Variants in NALF1 observed in about 807,000 individuals in gnomAD.
The protein encoded by NALF1 is family with sequence similarity 155 member A.
In NALF1, 3 loss-of-function variants were observed where a neutral mutation model predicts 48.4. The ratio of observed to expected loss-of-function variants is 0.06; its 90% CI spans 0.03 to 0.16. The LOEUF is 0.16. Among genes scored for constraint, NALF1 ranks in the 10% least tolerant of loss-of-function variants. NALF1 has a pLI of 1.00. For missense variants in NALF1, 526 were observed against 571.5 expected (o/e 0.92, Z 0.81); for synonymous variants, 262 against 245.7 (o/e 1.07, Z -0.62).
At chr13:107,583,340 T>G (rs1369962574) in intron 1 of NALF1, among the ~76,000 whole-genome samples, 1 of 152,176 alleles carries the variant, frequency 6.6e-6, no homozygotes, top group Non-Finnish European at 1.5e-5. Flanking sequence ...GTTATCAACA[T>G]TTTTACATTG....
At chr13:107,179,648 A>G (rs1356321770) in intron 2 of NALF1, among the ~76,000 whole-genome samples, 1 of 147,538 alleles carries the variant, frequency 6.8e-6, no homozygotes, top group Non-Finnish European at 1.5e-5. Context: ...TGTACCCACA[A>G]AAGTTAAAAA....
intron 2 of NALF1, among the ~76,000 whole-genome samples, chr13:107,182,235 TGTGTGTGTGTGTGTGTCC>T (rs1879078994): frequency 9.5e-6 from 1 of 105,528 alleles, no homozygotes; most frequent in South Asian, 3.0e-4. Flanking sequence ...GCTGTGTGTG[TGTGTGTGTGTGTGTGTCC>T]GTGTGTGTGT....
At chr13:107,234,071 C>T (rs1478443275) in intron 1 of NALF1, among the ~76,000 whole-genome samples, 1 of 152,116 alleles carries the variant, frequency 6.6e-6, no homozygotes, top group Non-Finnish European at 1.5e-5. Flanking sequence ...CTGTGGTTTC[C>T]ATATCCAGAG....
rs1029175935 is a variant in NALF1, at chr13:107,516,373, A to G, written c.916-305618T>C. Among the ~76,000 whole-genome samples the G allele has an allele frequency of 3.3e-5, 5 of 152,316 alleles. No homozygotes were observed. In the East Asian group the frequency reaches 5.8e-4, roughly 18 times the overall value. On this transcript the variant is annotated intron_variant, in intron 1 of 2. Coordinates refer to ENST00000375915, the MANE Select transcript of NALF1 (RefSeq NM_001080396.3). Reference sequence around the variant, plus strand: ...GGTATTTACTTGCTGTTCTGTGCCTATTAAGTGTACCATATTAACAATCAA... The same window carrying G: ...GGTATTTACTTGCTGTTCTGTGCCTGTTAAGTGTACCATATTAACAATCAA...
intron 1 of NALF1, among the ~76,000 whole-genome samples, chr13:107,492,042 GT>G (rs71204833): frequency 1.5e-4 from 15 of 99,280 alleles, no homozygotes; most frequent in South Asian, 6.5e-4. Context: ...GTTTTTTTTT[GT>G]TTTTTTTTTT....
intron 1 of NALF1, among the ~76,000 whole-genome samples, chr13:107,306,871 GGGA>G (rs1881946725): frequency 6.6e-6 from 1 of 152,098 alleles, no homozygotes; most frequent in Non-Finnish European, 1.5e-5. Context: ...AGGCTGAGAT[GGGA>G]GAATGGCTTG....
chr13:107,536,552 T>A (rs1876823060), intron 1 of NALF1, among the ~76,000 whole-genome samples: 2 of 152,164 alleles, frequency 1.3e-5, no homozygotes, highest in Non-Finnish European at 2.9e-5. Context: ...CCAGTTAGAA[T>A]GGTGATCATT....
At chr13:107,434,707 G>A (rs540753933) in intron 1 of NALF1, among the ~76,000 whole-genome samples, 1 of 152,176 alleles carries the variant, frequency 6.6e-6, no homozygotes, top group East Asian at 1.9e-4. Context: ...CCACTTAAAA[G>A]CAAGGCCCTT....
intron 1 of NALF1, among the ~76,000 whole-genome samples, chr13:107,485,393 A>G (rs1952749797): frequency 6.6e-6 from 1 of 152,164 alleles, no homozygotes; most frequent in African/African-American, 2.4e-5. Context: ...TTTCAGACTT[A>G]TGCAATGACA....
At chr13:107,280,961 T>C (rs1053149061) in intron 1 of NALF1, among the ~76,000 whole-genome samples, 2 of 152,222 alleles carry the variant, frequency 1.3e-5, no homozygotes, top group African/African-American at 4.8e-5. Flanking sequence ...TTTATCTTTG[T>C]TTAATTAATT....
chr13:107,672,363 G>A (rs553599537), intron 1 of NALF1, among the ~76,000 whole-genome samples: 1 of 152,300 alleles, frequency 6.6e-6, no homozygotes, highest in South Asian at 2.1e-4. Flanking sequence ...TATTGTCTTA[G>A]AATGCTGCGG....
intron 1 of NALF1, among the ~76,000 whole-genome samples, chr13:107,444,086 T>C (rs369928902): frequency 2.6e-5 from 4 of 152,162 alleles, no homozygotes; most frequent in South Asian, 2.1e-4. Flanking sequence ...AGGATTATTT[T>C]ACTGACAGAA....
chr13:107,212,067 G>T (rs946375413), intron 1 of NALF1, among the ~76,000 whole-genome samples: 4 of 152,180 alleles, frequency 2.6e-5, no homozygotes, highest in Non-Finnish European at 4.4e-5. Context: ...AAGCACTTAT[G>T]AAATCACAAG....
chr13:107,336,750 A>G (rs914414613), intron 1 of NALF1, among the ~76,000 whole-genome samples: 1 of 152,172 alleles, frequency 6.6e-6, no homozygotes, highest in Non-Finnish European at 1.5e-5. Flanking sequence ...AAAATAATCT[A>G]CAGTCTAATT....
Position 107,163,736 on chromosome 13 carries a change from A to C in NALF1, c.*6761T>G, listed in dbSNP as rs188869879. 10 of 152,296 alleles carry C rather than the reference A, an allele frequency of 6.6e-5. No individual in the cohort carries two copies. The South Asian group carries it at 1.0e-3, about 16-fold the overall frequency. The allele number at this position is 152,296 out of a possible 1,614,324, so 9.4% of individuals were successfully genotyped here. ...AAAAACAATTTAAAAATAATACATG[A>C]GTTTATACAGTCCTTCCTACTTTTA... On this transcript the variant is annotated 3_prime_UTR_variant, in exon 3 of 3. Coordinates refer to ENST00000375915, the MANE Select transcript of NALF1 (RefSeq NM_001080396.3).
At chr13:107,852,595 T>C (rs988916530) in intron 1 of NALF1, among the ~76,000 whole-genome samples, 1 of 152,204 alleles carries the variant, frequency 6.6e-6, no homozygotes, top group Non-Finnish European at 1.5e-5. Context: ...TTCGAGGAAA[T>C]GCATGTGGTC....
At chr13:107,193,050 G>GT (rs1372624256) in intron 2 of NALF1, among the ~76,000 whole-genome samples, 5 of 151,034 alleles carry the variant, frequency 3.3e-5, no homozygotes, top group Admixed American at 2.6e-4. Flanking sequence ...ATGCTGTACT[G>GT]TTAGTCATTA....
intron 1 of NALF1, among the ~76,000 whole-genome samples, chr13:107,701,711 T>G (rs1044514864): frequency 6.6e-6 from 1 of 152,192 alleles, no homozygotes; most frequent in African/African-American, 2.4e-5. Flanking sequence ...TTGGTGTTTT[T>G]GTTAAGTAAG....
At chr13:107,389,624 C>T (rs1883587810) in intron 1 of NALF1, among the ~76,000 whole-genome samples, 1 of 152,094 alleles carries the variant, frequency 6.6e-6, no homozygotes, top group African/African-American at 2.4e-5. Flanking sequence ...AGCAAACTTG[C>T]ACAAATGCCA....
Sources: gnomAD v4.1 joint callset for allele counts (sites outside exome capture counted in the v4.1 genomes callset) on GRCh38, gnomAD v4.1.1 for gene constraint, MANE v1.5 for transcripts, NCBI Gene and HGNC (gene_info 2026-07-23, HGNC 2026-07-21) for gene names.